The following ZDHHC2 variants were observed in gnomAD, a reference collection of about 807,000 sequenced individuals.
ZDHHC2 encodes palmitoyltransferase ZDHHC2.
In ZDHHC2, 51 loss-of-function variants were observed where a neutral mutation model predicts 55.6. The ratio of observed to expected loss-of-function variants is 0.92; its 90% CI spans 0.73 to 1.16. The LOEUF (loss-of-function observed/expected upper bound fraction) is 1.16, where lower values mean the gene tolerates loss of function less well. ZDHHC2 is among the 50% of genes most tolerant of loss of function. ZDHHC2 has a pLI of 0.00. For missense variants in ZDHHC2, 491 were observed against 442.4 expected (o/e 1.11, Z -0.99); for synonymous variants, 199 against 152.9 (o/e 1.30, Z -2.22).
At chr8:17,197,339 T>G (rs1047985434) in intron 4 of ZDHHC2, among the ~76,000 whole-genome samples, 3 of 152,190 alleles carry the variant, frequency 2.0e-5, no homozygotes, top group African/African-American at 7.2e-5. Flanking sequence ...TACTGACAAT[T>G]GAAAAAGCAT....
At chr8:17,171,239 C>T (rs1804838370) in intron 1 of ZDHHC2, among the ~76,000 whole-genome samples, 1 of 152,172 alleles carries the variant, frequency 6.6e-6, no homozygotes, top group Non-Finnish European at 1.5e-5. Flanking sequence ...TCTATCTAAA[C>T]AGGAGAAGTA....
chr8:17,207,001 G>A (rs1333281910), intron 7 of ZDHHC2, among the ~76,000 whole-genome samples: 1 of 152,256 alleles, frequency 6.6e-6, no homozygotes, highest in East Asian at 1.9e-4. Context: ...AAAATGAACC[G>A]TAATGAATGT....
chr8:17,197,892 G>A (rs1806403601), intron 5 of ZDHHC2, among the ~76,000 whole-genome samples: 2 of 152,158 alleles, frequency 1.3e-5, no homozygotes, highest in South Asian at 2.1e-4. Flanking sequence ...TAGCAGTTCT[G>A]ACTTGGCTGG....
intron 3 of ZDHHC2, among the ~76,000 whole-genome samples, chr8:17,193,787 A>G (rs1273151867): frequency 6.6e-6 from 1 of 151,872 alleles, no homozygotes; most frequent in Non-Finnish European, 1.5e-5. Flanking sequence ...TTTTTATTAT[A>G]CTTTAAGTTC....
intron 8 of ZDHHC2, among the ~76,000 whole-genome samples, 162 bp from the exon 9 acceptor site, chr8:17,209,770 G>A (rs1157472040): frequency 1.3e-5 from 2 of 152,062 alleles, no homozygotes; most frequent in Non-Finnish European, 2.9e-5. Context: ...AAACAGAATG[G>A]ACACCCTATA....
chr8:17,185,543 G>A (rs1228239706), intron 2 of ZDHHC2, among the ~76,000 whole-genome samples: 1 of 152,066 alleles, frequency 6.6e-6, no homozygotes, highest in African/African-American at 2.4e-5. Flanking sequence ...GGTGGGGCAT[G>A]CCTGTAATCC....
At chr8:17,171,886 G>A (rs1476328420) in intron 1 of ZDHHC2, among the ~76,000 whole-genome samples, 4 of 151,540 alleles carry the variant, frequency 2.6e-5, no homozygotes, top group Admixed American at 1.3e-4. Context: ...GTTTGCACCT[G>A]AGTTGACTCT....
intron 3 of ZDHHC2, among the ~76,000 whole-genome samples, chr8:17,195,089 G>A (rs1806237625): frequency 6.6e-6 from 1 of 152,146 alleles, no homozygotes; most frequent in African/African-American, 2.4e-5. Flanking sequence ...ACTTAGGTAA[G>A]AAGATATGCT....
chr8:17,165,070 G>A (rs1176236509), intron 1 of ZDHHC2, among the ~76,000 whole-genome samples: 3 of 152,204 alleles, frequency 2.0e-5, no homozygotes, highest in Non-Finnish European at 4.4e-5. Context: ...TACATAGCAC[G>A]TTGGAAGTAT....
intron 3 of ZDHHC2, among the ~76,000 whole-genome samples, chr8:17,194,831 A>T (rs1298259519): frequency 3.3e-5 from 5 of 152,114 alleles, no homozygotes; most frequent in Non-Finnish European, 5.9e-5. Context: ...TCAAACAATG[A>T]TACTGAGATT....
At chr8:17,209,240 C>CTGGACTGGATCCCGGTT (rs1456525974) in intron 8 of ZDHHC2, among the ~76,000 whole-genome samples, 7 of 152,128 alleles carry the variant, frequency 4.6e-5, no homozygotes, top group Non-Finnish European at 1.0e-4. Flanking sequence ...ATACATGGTT[C>CTGGACTGGATCCCGGTT]TGGACTGGAT....
Position 17,223,065 on chromosome 8 carries a change from C to T in ZDHHC2, c.*2844C>T, listed in dbSNP as rs934605998. ...GTTTATAAAAAATTAGGCACGCAAT[C>T]ATGTGATTCATGCTTCAAGAAAATA... On this transcript the variant is annotated 3_prime_UTR_variant, in exon 13 of 13. Transcript: ENST00000262096. 1 of 151,838 alleles carries T rather than the reference C, an allele frequency of 6.6e-6. No homozygotes were observed. Among genetic ancestry groups the T allele is most frequent in the African/African-American group, 2.4e-5 (1 of 41,414 alleles). 9.4% of individuals were successfully genotyped at this position (151,838 alleles called of 1,614,324 possible).
intron 1 of ZDHHC2, among the ~76,000 whole-genome samples, chr8:17,159,796 G>A (rs942744592): frequency 6.6e-6 from 1 of 152,134 alleles, no homozygotes; most frequent in African/African-American, 2.4e-5. Context: ...TTTGGACCAC[G>A]TTTATCTCGT....
chr8:17,170,992 A>C (rs1354954513), intron 1 of ZDHHC2, among the ~76,000 whole-genome samples: 1 of 152,220 alleles, frequency 6.6e-6, no homozygotes, highest in Non-Finnish European at 1.5e-5. Context: ...TCCCTAGTTG[A>C]CATTCCCCTG....
At position 17,223,985 on chromosome 8, in the gene ZDHHC2, C is replaced by T. The variant is rs1199284580; in HGVS notation, c.*3764C>T. The T allele has an allele frequency of 6.6e-6, 1 of 151,578 alleles. No individual in the cohort carries two copies. Among genetic ancestry groups the T allele is most frequent in the East Asian group, 1.9e-4 (1 of 5,186 alleles). 9.4% of individuals were successfully genotyped at this position (151,578 alleles called of 1,614,324 possible). A position where few individuals can be genotyped will look rare whatever the true frequency, so the allele number is the denominator to read the frequency against. On this transcript the variant is annotated 3_prime_UTR_variant, in exon 13 of 13. Transcript: ENST00000262096. ...ATCAACTATGAATATGAAGTATCTC[C>T]CAGAACAATGTTGAGTGTTTCAGGA...
At chr8:17,193,595 G>A (rs145866355) in intron 3 of ZDHHC2, among the ~76,000 whole-genome samples, 46 of 152,360 alleles carry the variant, frequency 3.0e-4, no homozygotes, top group African/African-American at 1.1e-3. Context: ...AGGTAGCAAA[G>A]TCAGCCAGGC....
intron 1 of ZDHHC2, among the ~76,000 whole-genome samples, chr8:17,174,878 T>C (rs1805052327): frequency 6.6e-6 from 1 of 151,704 alleles, no homozygotes. Flanking sequence ...ACCCAGCTAA[T>C]TGTGGGGTTT....
At chr8:17,186,588 C>T (rs902127828) in intron 3 of ZDHHC2, among the ~76,000 whole-genome samples, 163 bp downstream of exon 3, 1 of 151,992 alleles carries the variant, frequency 6.6e-6, no homozygotes, top group African/African-American at 2.4e-5. Context: ...GAATTTTCAC[C>T]TGGAAATATT....
At chr8:17,198,357 T>G (rs530748586) in intron 5 of ZDHHC2, 24 bp from the exon 6 acceptor site, 61 of 1,594,762 alleles carry the variant, frequency 3.8e-5, no homozygotes, top group South Asian at 3.5e-5. Context: ...GGTATTAGGT[T>G]TTGTGTTCTG....
Sources: allele counts gnomAD v4.1 joint callset (sites outside exome capture counted in the v4.1 genomes callset), GRCh38; gene constraint gnomAD v4.1.1; transcripts MANE v1.5; gene names NCBI Gene and HGNC (gene_info 2026-07-23, HGNC 2026-07-21).